The following AGAP3 variants were observed in gnomAD, a reference collection of about 807,000 sequenced individuals.
The protein encoded by AGAP3 is arf-GAP with GTPase, ANK repeat and PH domain-containing protein 3.
AGAP3 carries 24 observed loss-of-function variants against 96.9 expected under a neutral mutation model. The ratio of observed to expected loss-of-function variants is 0.25; its 90% confidence interval spans 0.18 to 0.35. The LOEUF (loss-of-function observed/expected upper bound fraction) is 0.35. Ranked by LOEUF, AGAP3 falls within the 10% of genes least tolerant of loss-of-function variation. The pLI, the probability that AGAP3 is intolerant of heterozygous loss-of-function variation, is 1.00. For missense variants in AGAP3, 876 were observed against 1,254.2 expected (o/e 0.70, Z 4.55); for synonymous variants, 563 against 536.1 (o/e 1.05, Z -0.69).
chr7:151,120,033 T>C lies in AGAP3; in HGVS notation c.1016T>C (p.Val339Ala). The C allele has an allele frequency of 6.2e-7, 1 of 1,613,812 alleles. No homozygotes were observed. Among genetic ancestry groups the C allele is most frequent in the Non-Finnish European group, 8.5e-7 (1 of 1,179,894 alleles). ...GSAFSDYSSS[V>A]PSTPSISQRE... ...GCCTTCAGCGACTACTCGTCCTCAG[T>C]CCCCTCCACCCCCAGCATCAGCCAG... is the stretch of plus-strand genomic sequence containing the variant. Residue 339 changes from valine (V) to alanine (A), a missense_variant, in exon 8 of 18, where the codon GTC (valine) becomes GCC (alanine). Val to Ala is a moderately conservative substitution (Grantham distance 64). Coordinates refer to ENST00000397238, the MANE Select transcript of AGAP3 (RefSeq NM_031946.7).
At chr7:151,125,569 G>A (rs1031141330) in intron 9 of AGAP3, among the ~76,000 whole-genome samples, 1 of 152,216 alleles carries the variant, frequency 6.6e-6, no homozygotes, top group Admixed American at 6.5e-5. Flanking sequence ...GGGGGTGCCC[G>A]CTGCTTCCCG....
Position 151,103,534 on chromosome 7 carries a change from A to G in AGAP3, c.332-13259A>G, listed in dbSNP as rs115683401. Among the ~76,000 whole-genome samples, 514 of 152,134 alleles carry G rather than the reference A, an allele frequency of 3.4e-3. 2 individuals carry two copies. The highest frequency in any genetic ancestry group is 0.012 in the African/African-American group (491 of 41,482). On this transcript the variant is annotated intron_variant, in intron 1 of 17. Transcript: ENST00000397238. ...TTACCGCATTTGCTGGCTCTCTGTC[A>G]CTGCCTCATGCTCACATATGTTTTT... is the stretch of plus-strand genomic sequence containing the variant.
At chr7:151,123,256 C>A in intron 8 of AGAP3, 1 of 1,058,502 alleles carries the variant, frequency 9.4e-7, no homozygotes, top group Non-Finnish European at 1.1e-6. Context: ...TTCCTAGGAT[C>A]CGCATTCGGG....
intron 8 of AGAP3, chr7:151,123,370 G>T: frequency 1.9e-6 from 2 of 1,053,506 alleles, no homozygotes; most frequent in Non-Finnish European, 2.3e-6. Flanking sequence ...CGCGCTCGGT[G>T]CCACGTGCCG....
chr7:151,136,237 A>G (rs960184147), intron 11 of AGAP3: 1 of 152,240 alleles, frequency 6.6e-6, no homozygotes, highest in African/African-American at 2.4e-5. Context: ...AGGGAGCCAG[A>G]GGACAGCTGG....
At chr7:151,120,770 C>T (rs1799844266) in intron 8 of AGAP3, 1 of 1,186,984 alleles carries the variant, frequency 8.4e-7, no homozygotes, top group Admixed American at 3.5e-5. Flanking sequence ...CTTGTGAGCT[C>T]CTCACTCACC....
At chr7:151,129,078 G>A (rs944757388) in intron 10 of AGAP3, among the ~76,000 whole-genome samples, 2 of 152,076 alleles carry the variant, frequency 1.3e-5, no homozygotes, top group South Asian at 2.1e-4. Flanking sequence ...CTAGAGCCTC[G>A]GACAGTCCTC....
At chr7:151,112,295 T>C (rs1304829485) in intron 1 of AGAP3, 1 of 152,222 alleles carries the variant, frequency 6.6e-6, no homozygotes, top group African/African-American at 2.4e-5. Flanking sequence ...AGGTGGCACT[T>C]TCTCCTTGGA....
intron 1 of AGAP3, chr7:151,116,537 CAG>C: frequency 1.8e-6 from 1 of 544,476 alleles, no homozygotes; most frequent in East Asian, 3.0e-5. Flanking sequence ...AGGAAGGACA[CAG>C]GGCCGAAACC....
At chr7:151,113,880 T>C (rs560839491) in intron 1 of AGAP3, among the ~76,000 whole-genome samples, 12 of 152,170 alleles carry the variant, frequency 7.9e-5, no homozygotes, top group Admixed American at 2.6e-4. Context: ...GGAGGAGTGT[T>C]TTCATTTACA....
rs765976344 is a variant in AGAP3 at position 151,120,021 on chromosome 7, A to G, written c.1004A>G (p.Tyr335Cys). 44 of 1,613,612 alleles carry G rather than the reference A, an allele frequency of 2.7e-5. No homozygotes were observed. The highest frequency in any genetic ancestry group is 3.6e-5 in the Non-Finnish European group (42 of 1,179,890). ...TNGGGSAFSD[Y>C]SSSVPSTPSI... The stretch of plus-strand genomic sequence containing the variant: ...GGCGGCGGCAGCGCCTTCAGCGACT[A>G]CTCGTCCTCAGTCCCCTCCACCCCC... The change falls in exon 8 of 18, where the codon TAC becomes TGC. Residue 335 changes from tyrosine to cysteine, a missense_variant. By Grantham distance (194) the Tyr-to-Cys change is radical. Coordinates refer to ENST00000397238, the MANE Select transcript of AGAP3 (RefSeq NM_031946.7).
chr7:151,123,860 A>G lies in AGAP3; in HGVS notation c.1195A>G (p.Ser399Gly). Reference sequence around the variant, plus strand: ...CGAGTGCAAGGTGGACAGCATCGGGAGCGGCCGCGCCATCCCCATCAAGCA... The same window carrying G: ...CGAGTGCAAGGTGGACAGCATCGGGGGCGGCCGCGCCATCCCCATCAAGCA... ...AAECKVDSIGSGRAIPIKQGI... is the reference protein window; with the variant it reads ...AAECKVDSIGGGRAIPIKQGI... The change falls in exon 9 of 18, where the codon AGC (serine) becomes GGC (glycine). Residue 399 changes from serine (S) to glycine (G), a missense_variant. This residue lies in a region of AGAP3 where 49 missense variants were observed against 41.7 expected (regional missense o/e 1.17). Transcript: ENST00000397238. 1 of 1,610,548 alleles carries G rather than the reference A, an allele frequency of 6.2e-7. No homozygotes were observed. The highest frequency in any genetic ancestry group is 8.5e-7 in the Non-Finnish European group (1 of 1,179,874).
chr7:151,105,695 G>C (rs1208762236), intron 1 of AGAP3, among the ~76,000 whole-genome samples: 5 of 150,848 alleles, frequency 3.3e-5, no homozygotes, highest in Admixed American at 1.3e-4. Flanking sequence ...GAGCCCGGGA[G>C]GGGAGAGGCT....
chr7:151,143,875 C>T lies in AGAP3; in HGVS notation c.2668C>T (p.Pro890Ser), dbSNP rs1229754569. The change falls in exon 18 of 18, where the codon CCC becomes TCC. Residue 890 changes from proline to serine, a missense_variant. Pro to Ser is a moderately conservative substitution (Grantham distance 74). Transcript: ENST00000397238. The surrounding 1 kb of genome is among the most constrained non-coding windows in gnomAD (Gnocchi z 5.9). The part of the protein sequence containing the change: ...PGEGCGLAPT[P>S]NREPANGTNP... ...GGAGGGCTGTGGCTTAGCGCCTACC[C>T]CCAACAGAGAGCCTGCCAATGGCAC... The T allele has an allele frequency of 5.0e-6, 8 of 1,613,884 alleles. No individual in the cohort carries two copies. Among genetic ancestry groups the T allele is most frequent in the Non-Finnish European group, 6.8e-6 (8 of 1,180,024 alleles).
chr7:151,123,074 A>G, intron 8 of AGAP3: 1 of 1,236,324 alleles, frequency 8.1e-7, no homozygotes, highest in Non-Finnish European at 1.0e-6. Flanking sequence ...GACGAGGCCC[A>G]GAGGGGCGGG....
At position 151,117,426 on chromosome 7, in the gene AGAP3, C is replaced by G. The variant is rs1563473417; in HGVS notation, c.534C>G (p.Ile178Met). The G allele has an allele frequency of 6.2e-7, 1 of 1,614,182 alleles. No individual in the cohort carries two copies. The highest frequency in any genetic ancestry group is 8.5e-7 in the Non-Finnish European group (1 of 1,180,014). ...ATGGCCAGAGTTACCTGCTGCTGATCCGAGATGAAGGAGGCCCCCCTGAGC... is the reference window on the plus strand; with the variant it reads ...ATGGCCAGAGTTACCTGCTGCTGATGCGAGATGAAGGAGGCCCCCCTGAGC... ...VVDGQSYLLL[I>M]RDEGGPPELQ... The change falls in exon 4 of 18, where the codon ATC (isoleucine) becomes ATG (methionine). Residue 178 changes from isoleucine (I) to methionine (M), a missense_variant. By Grantham distance (10) the Ile-to-Met change is conservative (BLOSUM62 1). Coordinates refer to ENST00000397238, the MANE Select transcript of AGAP3 (RefSeq NM_031946.7).
chr7:151,115,520 C>T (rs1032483319), intron 1 of AGAP3: 9 of 1,043,860 alleles, frequency 8.6e-6, no homozygotes, highest in Non-Finnish European at 1.0e-5. Flanking sequence ...GCCGCCCCCG[C>T]ACCGCCGCCG....
chr7:151,093,958 C>T (rs1261782272), intron 1 of AGAP3, among the ~76,000 whole-genome samples: 1 of 152,184 alleles, frequency 6.6e-6, no homozygotes, highest in Non-Finnish European at 1.5e-5. Flanking sequence ...CAAGTGAGCA[C>T]CTGAGCTGGG....
At chr7:151,105,024 C>T (rs549292270) in intron 1 of AGAP3, among the ~76,000 whole-genome samples, 17 of 152,122 alleles carry the variant, frequency 1.1e-4, no homozygotes, top group Non-Finnish European at 2.1e-4. Context: ...TCACTCAGGA[C>T]GCATCTGTGT....
Sources: allele counts gnomAD v4.1 joint callset (sites outside exome capture counted in the v4.1 genomes callset), GRCh38; gene constraint gnomAD v4.1.1; regional missense constraint gnomAD v4.1.1; non-coding constraint Gnocchi (gnomAD v3.1); transcripts MANE v1.5; gene names NCBI Gene and HGNC (gene_info 2026-07-23, HGNC 2026-07-21).